Variants in TDG observed in about 807,000 individuals in gnomAD.
TDG encodes G/T mismatch-specific thymine DNA glycosylase.
TDG carries 23 observed loss-of-function variants against 46.1 expected under a neutral mutation model. The observed-to-expected ratio is 0.50, with a 90% CI of 0.36 to 0.71. The LOEUF is 0.71. Ranked by LOEUF, TDG falls within the 30% of genes least tolerant of loss-of-function variation. TDG has a pLI of 0.00. For missense variants in TDG, 304 were observed against 486.7 expected (o/e 0.62, Z 3.53); for synonymous variants, 115 against 161.3 (o/e 0.71, Z 2.18).
At chr12:103,971,422 T>G (rs1332787190) in intron 1 of TDG, among the ~76,000 whole-genome samples, 1 of 151,700 alleles carries the variant, frequency 6.6e-6, no homozygotes, top group African/African-American at 2.4e-5. Flanking sequence ...ATTAGCCCGG[T>G]GTAGGTGCCT....
At chr12:103,966,559 A>T (rs1273109881) in intron 1 of TDG, among the ~76,000 whole-genome samples, 1 of 152,162 alleles carries the variant, frequency 6.6e-6, no homozygotes, top group African/African-American at 2.4e-5. Flanking sequence ...TGTTGTGGGC[A>T]TATGTATACA....
intron 1 of TDG, among the ~76,000 whole-genome samples, chr12:103,976,480 A>T (rs1368985267): frequency 1.3e-5 from 2 of 151,906 alleles, no homozygotes. Flanking sequence ...AAATAAACTA[A>T]AAGAGAATCT....
intron 1 of TDG, chr12:103,967,911 C>T (rs1871126927): frequency 1.3e-5 from 2 of 151,910 alleles, no homozygotes; most frequent in African/African-American, 4.8e-5. Context: ...TCACTGCAAC[C>T]TCTGCTTCCC....
intron 4 of TDG, among the ~76,000 whole-genome samples, 167 bp from the exon 5 acceptor site, chr12:103,982,632 G>T (rs559324339): frequency 6.6e-6 from 1 of 152,028 alleles, no homozygotes; most frequent in Non-Finnish European, 1.5e-5. Context: ...GGGCGTGGTG[G>T]TGTGCATCTG....
rs3829300 is a variant in TDG at position 103,977,072 on chromosome 12, A to G, written c.166+12A>G. 0.1 allele frequency: 165,927 copies of G among 1,597,066 alleles called. 10,363 individuals carry two copies. The highest frequency in any genetic ancestry group is 0.32 in the East Asian group (14,215 of 44,760). On this transcript the variant is annotated intron_variant, in intron 2 of 9. Transcript: ENST00000392872. ...GGAACCAGTGCAAGGTAGTTTCACC[A>G]TGAGAGCTTAGAAAGTTCAACATCG...
rs577279804 is a variant in TDG, at chr12:103,979,696, C to T, written c.167-135C>T. The T allele has an allele frequency of 1.7e-5, 19 of 1,089,644 alleles. No individual in the cohort carries two copies. In the South Asian group the frequency reaches 3.4e-4, roughly 19 times the overall value. The allele number at this position is 1,089,644 out of a possible 1,614,324, so 67.5% of individuals were successfully genotyped here. A position where few individuals can be genotyped will look rare whatever the true frequency, so the allele number is the denominator to read the frequency against. On this transcript the variant is annotated intron_variant, in intron 2 of 9. Coordinates refer to ENST00000392872, the MANE Select transcript of TDG (RefSeq NM_003211.6). ...GAAAGGGAAGATATTGCAGAGGAGA[C>T]TCATGTTGGGACTGTAAGAGCTTAA...
chr12:103,970,514 G>A (rs892814096), intron 1 of TDG, among the ~76,000 whole-genome samples: 1 of 151,840 alleles, frequency 6.6e-6, no homozygotes, highest in African/African-American at 2.4e-5. Context: ...CTAAAATAGT[G>A]TAAAATAATT....
intron 5 of TDG, 29 bp downstream of exon 5, chr12:103,982,963 T>G (rs774503154): frequency 6.2e-7 from 1 of 1,611,828 alleles, no homozygotes; most frequent in Non-Finnish European, 8.5e-7. Context: ...CTTTTATGGG[T>G]TGGAACCTTG....
chr12:103,967,348 T>A (rs1871088265), intron 1 of TDG, among the ~76,000 whole-genome samples: 1 of 152,180 alleles, frequency 6.6e-6, no homozygotes, highest in Non-Finnish European at 1.5e-5. Context: ...CTGTGTAATC[T>A]TCTGAAATGA....
chr12:103,979,901 T>C lies in TDG; in HGVS notation c.237T>C (p.Pro79=), dbSNP rs1043912225. 6 of 1,610,416 alleles carry C rather than the reference T, an allele frequency of 3.7e-6. No individual in the cohort carries two copies. In the Admixed American group the frequency reaches 8.4e-5, roughly 23 times the overall value. Residue 79 remains proline (P), a synonymous_variant, in exon 3 of 10, where the codon CCT becomes CCC. Coordinates refer to ENST00000392872, the MANE Select transcript of TDG (RefSeq NM_003211.6). ...AACAACCAGTGGAACCCAAAAAACC[T>C]GTTGAGTCAAAAAAATCTGGCAAGT... ...EPKQPVEPKK[P]VESKKSGKSA...
intron 8 of TDG, 90 bp downstream of exon 8, chr12:103,985,010 CATAT>C: frequency 1.0e-6 from 1 of 990,662 alleles, no homozygotes; most frequent in Admixed American, 2.9e-5. Context: ...TACATATATA[CATAT>C]ACACATATAC....
intron 1 of TDG, among the ~76,000 whole-genome samples, chr12:103,973,467 A>G (rs1414771796): frequency 6.6e-6 from 1 of 152,182 alleles, no homozygotes; most frequent in African/African-American, 2.4e-5. Flanking sequence ...TCAAGGTGCT[A>G]TTAGAATCTC....
At chr12:103,977,393 A>G (rs754573783) in intron 2 of TDG, among the ~76,000 whole-genome samples, 17 of 152,200 alleles carry the variant, frequency 1.1e-4, no homozygotes, top group Non-Finnish European at 2.1e-4. Flanking sequence ...GCTGCTTCCC[A>G]GAGCAGAGAA....
At chr12:103,967,725 A>T (rs1273850826) in intron 1 of TDG, 4 of 151,016 alleles carry the variant, frequency 2.6e-5, no homozygotes, top group Admixed American at 2.6e-4. Context: ...CCAAAGTGCT[A>T]GGATTACAAA....
At chr12:103,974,377 G>C (rs187214808) in intron 1 of TDG, among the ~76,000 whole-genome samples, 1 of 152,124 alleles carries the variant, frequency 6.6e-6, no homozygotes, top group Non-Finnish European at 1.5e-5. Context: ...CCTAGACTCA[G>C]GCAATCCTCC....
At chr12:103,966,120 GGCGCGC>G in intron 1 of TDG, 60 bp downstream of exon 1, 1 of 1,364,466 alleles carries the variant, frequency 7.3e-7, no homozygotes, top group Non-Finnish European at 9.7e-7. Flanking sequence ...CAGGCTGGCT[GGCGCGC>G]GCGCGCGCAC....
chr12:103,984,468 G>A (rs4135118), intron 7 of TDG, among the ~76,000 whole-genome samples: 12,824 of 152,088 alleles, frequency 0.084, 842 homozygotes, highest in East Asian at 0.31. Context: ...GGTGGCATGC[G>A]CTGTAATCCC....
At chr12:103,977,449 C>T (rs553314031) in intron 2 of TDG, among the ~76,000 whole-genome samples, 2 of 152,146 alleles carry the variant, frequency 1.3e-5, no homozygotes, top group South Asian at 4.1e-4. Flanking sequence ...GGCTTCATCC[C>T]GATAAAGATC....
intron 8 of TDG, 139 bp downstream of exon 8, chr12:103,985,059 ACATG>A (rs1484779786): frequency 4.5e-6 from 2 of 449,100 alleles, no homozygotes; most frequent in Non-Finnish European, 6.5e-6. Context: ...GTGTATATAT[ACATG>A]TGTATATATA....
Sources: gnomAD v4.1 joint callset for allele counts (sites outside exome capture counted in the v4.1 genomes callset) on GRCh38, gnomAD v4.1.1 for gene constraint, MANE v1.5 for transcripts, NCBI Gene and HGNC (gene_info 2026-07-23, HGNC 2026-07-21) for gene names.